MECOM: variants seen among roughly 807,000 people sequenced by gnomAD.
The protein encoded by MECOM is histone-lysine N-methyltransferase MECOM.
MECOM carries 13 observed loss-of-function variants against 116.3 expected under a neutral mutation model. The ratio of observed to expected loss-of-function variants is 0.11; its 90% CI spans 0.07 to 0.18. MECOM has a LOEUF of 0.18. Among genes scored for constraint, MECOM ranks in the 10% least tolerant of loss-of-function variants. MECOM has a pLI of 1.00. For synonymous variants in MECOM, 528 were observed against 535.2 expected, an observed-to-expected ratio of 0.99 and a Z score of 0.19; for missense variants, 1,299 against 1,509.0, an observed-to-expected ratio of 0.86 and a Z score of 2.31.
intron 2 of MECOM, among the ~76,000 whole-genome samples, chr3:169,267,186 T>C (rs1758419314): frequency 1.3e-5 from 2 of 152,316 alleles, no homozygotes; most frequent in South Asian, 4.1e-4. Context: ...GGATCCAGGG[T>C]TCCTGAGAAC....
intron 4 of MECOM, among the ~76,000 whole-genome samples, chr3:169,129,099 T>G (rs145395410): frequency 2.3e-3 from 349 of 152,306 alleles, no homozygotes; most frequent in African/African-American, 8.0e-3. Context: ...AGAATTCTTT[T>G]AGTCAAGTAT....
At chr3:169,604,640 G>A (rs954127655) in intron 1 of MECOM, among the ~76,000 whole-genome samples, 6 of 152,194 alleles carry the variant, frequency 3.9e-5, no homozygotes, top group Admixed American at 6.5e-5. Flanking sequence ...CAAACCCCAG[G>A]AGTGGGACCA....
intron 1 of MECOM, among the ~76,000 whole-genome samples, chr3:169,431,018 T>C (rs879624529): frequency 6.6e-6 from 1 of 152,324 alleles, no homozygotes; most frequent in Admixed American, 6.5e-5. Context: ...GGCTTGTTTT[T>C]CCCCTTGTCT....
chr3:169,575,517 C>A (rs565047720), intron 1 of MECOM, among the ~76,000 whole-genome samples: 1 of 152,310 alleles, frequency 6.6e-6, no homozygotes, highest in African/African-American at 2.4e-5. Context: ...TGCTAATGAG[C>A]TAATCAGGGC....
chr3:169,545,949 G>T (rs2109264186), intron 1 of MECOM, among the ~76,000 whole-genome samples: 1 of 151,802 alleles, frequency 6.6e-6, no homozygotes, highest in African/African-American at 2.4e-5. Context: ...ATTTATATAT[G>T]AAAACCAAAA....
At chr3:169,248,117 TTATG>T (rs1187801873) in intron 2 of MECOM, among the ~76,000 whole-genome samples, 7 of 152,230 alleles carry the variant, frequency 4.6e-5, no homozygotes, top group African/African-American at 1.7e-4. Context: ...ACTATTTTTA[TTATG>T]TATGTATTTA....
intron 2 of MECOM, among the ~76,000 whole-genome samples, chr3:169,327,773 T>G (rs1722109714): frequency 6.6e-6 from 1 of 152,094 alleles, no homozygotes; most frequent in Admixed American, 6.6e-5. Flanking sequence ...ACACACTCTA[T>G]CATTACTGAG....
intron 2 of MECOM, among the ~76,000 whole-genome samples, chr3:169,327,399 G>A (rs1390011740): frequency 6.6e-6 from 1 of 152,108 alleles, no homozygotes; most frequent in Non-Finnish European, 1.5e-5. Flanking sequence ...CAACACTTTG[G>A]GAGGCCAAGG....
At chr3:169,466,013 T>G (rs1748245803) in intron 1 of MECOM, among the ~76,000 whole-genome samples, 1 of 152,194 alleles carries the variant, frequency 6.6e-6, no homozygotes, top group African/African-American at 2.4e-5. Context: ...CAAACTCACA[T>G]CTTTAAAACT....
intron 2 of MECOM, among the ~76,000 whole-genome samples, chr3:169,302,908 A>G (rs1717016918): frequency 6.6e-6 from 1 of 152,192 alleles, no homozygotes; most frequent in African/African-American, 2.4e-5. Context: ...AGATTTTACT[A>G]AACCAGATAA....
intron 8 of MECOM, 60 bp from the exon 9 acceptor site, chr3:169,112,934 A>C: frequency 1.7e-6 from 2 of 1,174,696 alleles, no homozygotes; most frequent in Non-Finnish European, 2.5e-6. Flanking sequence ...TCACTACATA[A>C]TCACTGACAT....
intron 1 of MECOM, among the ~76,000 whole-genome samples, chr3:169,475,593 T>C (rs916524539): frequency 1.2e-4 from 18 of 151,962 alleles, no homozygotes; most frequent in African/African-American, 3.9e-4. Context: ...TTTTTTTTTT[T>C]CCGAATCTAA....
At chr3:169,095,926 C>T (rs907858349) in intron 12 of MECOM, among the ~76,000 whole-genome samples, 5 of 152,102 alleles carry the variant, frequency 3.3e-5, no homozygotes, top group African/African-American at 1.2e-4. Flanking sequence ...CTATTACCCC[C>T]TATTTTTCAT....
chr3:169,381,499 G>A lies in MECOM; in HGVS notation c.63C>T (p.Tyr21=). ...ATNNECVYGN[Y]PEIPLEEMPD... ...GCATTTCTTCCAAAGGTATTTCAGG[G>A]TAGTTGCCATATACACACTCATTAT... The change falls in exon 2 of 17, where the codon TAC becomes TAT. Residue 21 remains tyrosine, a synonymous_variant. Transcript: ENST00000651503. 6.2e-7 allele frequency: 1 copy of A among 1,610,958 alleles called. No individual in the cohort carries two copies. Among genetic ancestry groups the A allele is most frequent in the East Asian group, 2.2e-5 (1 of 44,750 alleles).
At chr3:169,591,848 A>G (rs965765207) in intron 1 of MECOM, among the ~76,000 whole-genome samples, 8 of 152,180 alleles carry the variant, frequency 5.3e-5, no homozygotes. Context: ...TCCATTGAAA[A>G]CAAGCACTTT....
At chr3:169,275,123 T>C (rs567968553) in intron 2 of MECOM, among the ~76,000 whole-genome samples, 53 of 152,202 alleles carry the variant, frequency 3.5e-4, no homozygotes, top group Non-Finnish European at 7.1e-4. Context: ...TGTGTGTGTG[T>C]GTTTCCCCTC....
intron 1 of MECOM, among the ~76,000 whole-genome samples, chr3:169,622,907 C>T (rs1770926218): frequency 6.6e-6 from 1 of 152,224 alleles, no homozygotes; most frequent in East Asian, 1.9e-4. Flanking sequence ...TTCCACCTCA[C>T]AATCTTTTCC....
At chr3:169,576,276 A>G (rs1434964409) in intron 1 of MECOM, among the ~76,000 whole-genome samples, 1 of 152,148 alleles carries the variant, frequency 6.6e-6, no homozygotes, top group Non-Finnish European at 1.5e-5. Context: ...ACGTTTATTA[A>G]GTACCAACAG....
chr3:169,637,218 C>T (rs946778895), intron 1 of MECOM, among the ~76,000 whole-genome samples: 2 of 152,156 alleles, frequency 1.3e-5, no homozygotes, highest in Non-Finnish European at 2.9e-5. Flanking sequence ...TTGAGCCACT[C>T]GAACATCCAG....
Sources: allele counts gnomAD v4.1 joint callset (sites outside exome capture counted in the v4.1 genomes callset), GRCh38; gene constraint gnomAD v4.1.1; transcripts MANE v1.5; gene names NCBI Gene and HGNC (gene_info 2026-07-23, HGNC 2026-07-21).